OSBPL6: variants seen among roughly 807,000 people sequenced by gnomAD.
OSBPL6 encodes oxysterol binding protein like 6.
In OSBPL6, 49 loss-of-function variants were observed where a neutral mutation model predicts 125.8. That is an observed-to-expected ratio of 0.39 (90% CI 0.31 to 0.49). The LOEUF (loss-of-function observed/expected upper bound fraction) is 0.49. Ranked by LOEUF, OSBPL6 falls within the 20% of genes least tolerant of loss-of-function variation. The pLI is 0.88. For missense variants in OSBPL6, 986 were observed against 1,135.4 expected (o/e 0.87, Z 1.89); for synonymous variants, 394 against 391.8 (o/e 1.01, Z -0.07).
chr2:178,298,694 G>GTTTTTTTTTTTTTTTTTT (rs757606940), intron 2 of OSBPL6, among the ~76,000 whole-genome samples: 1 of 139,426 alleles, frequency 7.2e-6, no homozygotes, highest in African/African-American at 2.6e-5. Context: ...ATTTTTAGTT[G>GTTTTTTTTTTTTTTTTTT]CTTTTTTTTT....
chr2:178,399,185 T>C lies in OSBPL6; in HGVS notation c.*3626T>C, dbSNP rs1280092153. On this transcript the variant is annotated 3_prime_UTR_variant, in exon 25 of 25. Coordinates refer to ENST00000190611, the MANE Select transcript of OSBPL6 (RefSeq NM_032523.4). ...ATCTAATTAAACAATTTTGAATCTA[T>C]TTTGTGCTCTAGAAATGTTCTTTTG... 1 of 152,204 alleles carries C rather than the reference T, an allele frequency of 6.6e-6. No individual in the cohort carries two copies. Among genetic ancestry groups the C allele is most frequent in the East Asian group, 1.9e-4 (1 of 5,204 alleles). The allele number at this position is 152,204 out of a possible 1,614,324, so 9.4% of individuals were successfully genotyped here. A position where few individuals can be genotyped will look rare whatever the true frequency, so the allele number is the denominator to read the frequency against.
intron 1 of OSBPL6, among the ~76,000 whole-genome samples, chr2:178,239,792 A>AT (rs1443901155): frequency 1.3e-5 from 2 of 150,316 alleles, no homozygotes; most frequent in South Asian, 2.1e-4. Context: ...TGCCCGGCTA[A>AT]TTTTTTTTGT....
intron 1 of OSBPL6, among the ~76,000 whole-genome samples, chr2:178,259,972 C>G (rs917082523): frequency 2.0e-5 from 3 of 152,036 alleles, no homozygotes; most frequent in African/African-American, 7.2e-5. Flanking sequence ...ACCATAGCAG[C>G]GATGGATGAT....
At chr2:178,201,126 C>T (rs972217391) in intron 1 of OSBPL6, among the ~76,000 whole-genome samples, 42 of 152,140 alleles carry the variant, frequency 2.8e-4, no homozygotes, top group Non-Finnish European at 8.8e-5. Flanking sequence ...GTAGACTCTA[C>T]AAATGTATAT....
At chr2:178,336,773 G>T (rs998195068) in intron 9 of OSBPL6, among the ~76,000 whole-genome samples, 4 of 152,088 alleles carry the variant, frequency 2.6e-5, no homozygotes, top group African/African-American at 9.7e-5. Flanking sequence ...GTCACACAGA[G>T]GAGTAACCCC....
intron 1 of OSBPL6, among the ~76,000 whole-genome samples, chr2:178,216,773 A>G (rs761062216): frequency 6.6e-6 from 1 of 152,204 alleles, no homozygotes; most frequent in African/African-American, 2.4e-5. Context: ...CCTGCCAGGA[A>G]TGCATGGCCT....
intron 11 of OSBPL6, among the ~76,000 whole-genome samples, chr2:178,346,777 A>G (rs1690757225): frequency 6.6e-6 from 1 of 152,238 alleles, no homozygotes; most frequent in African/African-American, 2.4e-5. Context: ...CAGATATTCA[A>G]TTAGGGTTAG....
chr2:178,385,884 G>A (rs938065498), intron 19 of OSBPL6, among the ~76,000 whole-genome samples: 3 of 152,154 alleles, frequency 2.0e-5, no homozygotes, highest in African/African-American at 7.2e-5. Context: ...TTTTAATTCT[G>A]AAGGAAGGCT....
At chr2:178,337,115 C>A (rs149513043) in intron 9 of OSBPL6, among the ~76,000 whole-genome samples, 1 of 152,090 alleles carries the variant, frequency 6.6e-6, no homozygotes, top group Non-Finnish European at 1.5e-5. Context: ...ATCTACAGAC[C>A]ATTTCCATTC....
chr2:178,341,442 A>G (rs1348733990), intron 11 of OSBPL6, among the ~76,000 whole-genome samples: 1 of 149,724 alleles, frequency 6.7e-6, no homozygotes, highest in Non-Finnish European at 1.5e-5. Flanking sequence ...GATTTTTTTG[A>G]GTCATCAGGA....
At chr2:178,254,296 G>A (rs547374415) in intron 1 of OSBPL6, among the ~76,000 whole-genome samples, 26 of 151,974 alleles carry the variant, frequency 1.7e-4, no homozygotes, top group Non-Finnish European at 3.1e-4. Flanking sequence ...AGGAGGCTGA[G>A]GCAGGAGAAT....
intron 19 of OSBPL6, among the ~76,000 whole-genome samples, chr2:178,386,232 T>C (rs572582089): frequency 1.3e-5 from 2 of 152,186 alleles, no homozygotes; most frequent in Non-Finnish European, 2.9e-5. Flanking sequence ...AGATGACAGA[T>C]CATTTCTTGG....
At chr2:178,311,909 C>T (rs894917821) in intron 3 of OSBPL6, among the ~76,000 whole-genome samples, 1 of 152,208 alleles carries the variant, frequency 6.6e-6, no homozygotes, top group Non-Finnish European at 1.5e-5. Context: ...TTCTTCTGCA[C>T]AGGTGTTAAA....
intron 13 of OSBPL6, among the ~76,000 whole-genome samples, chr2:178,371,842 A>T (rs550158847): frequency 6.6e-6 from 1 of 152,214 alleles, no homozygotes; most frequent in East Asian, 1.9e-4. Context: ...GTATAATGGG[A>T]CTCACTCTAA....
intron 1 of OSBPL6, 149 bp from the exon 2 acceptor site, chr2:178,284,778 G>A (rs142924773): frequency 3.0e-4 from 107 of 353,458 alleles, no homozygotes; most frequent in African/African-American, 2.0e-3. Context: ...GAACAAAGGA[G>A]ATAAAAAGCT....
At position 178,387,064 on chromosome 2, in the gene OSBPL6, T is replaced by C. The variant is rs762334327; in HGVS notation, c.2081T>C (p.Ile694Thr). 19 of 1,596,816 alleles carry C rather than the reference T, an allele frequency of 1.2e-5. No individual in the cohort carries two copies. The highest frequency in any genetic ancestry group is 1.6e-5 in the Non-Finnish European group (19 of 1,164,576). Reference protein sequence around the residue: ...ESKNFVFWQDIRWKNKFWGKS... With the variant: ...ESKNFVFWQDTRWKNKFWGKS... The stretch of plus-strand genomic sequence containing the variant: ...GTCCTCTCCCTATGTCATTTAGATA[T>C]CAGATGGAAAAACAAGTTCTGGGGG... Residue 694 changes from isoleucine (I) to threonine (T), a missense_variant, in exon 20 of 25, where the codon ATC (isoleucine) becomes ACC (threonine). Physicochemically the swap from Ile to Thr is moderately conservative, Grantham distance 89. Around this residue, in one of 3 missense-constraint regions of OSBPL6, gnomAD observed 843 missense variants for 997.3 expected, o/e 0.85. Transcript: ENST00000190611.
In OSBPL6 at chr2:178,322,228, C is replaced by T. The variant is rs116235732; in HGVS notation, c.103-1949C>T. ...AAGTTTCTTTCCAGGTTTTGTTTTT[C>T]TTACCACGTTTTTTTGGAGGTGGGG... On this transcript the variant is annotated intron_variant, in intron 3 of 24. Coordinates refer to ENST00000190611, the MANE Select transcript of OSBPL6 (RefSeq NM_032523.4). Among the ~76,000 whole-genome samples, 668 of 152,202 alleles carry T rather than the reference C, an allele frequency of 4.4e-3. 4 individuals carry two copies. Among genetic ancestry groups the T allele is most frequent in the African/African-American group, 0.015 (615 of 41,548 alleles).
intron 1 of OSBPL6, among the ~76,000 whole-genome samples, chr2:178,253,567 T>C (rs2091773324): frequency 6.6e-6 from 1 of 152,196 alleles, no homozygotes; most frequent in Admixed American, 6.5e-5. Flanking sequence ...GTTGGGGAAA[T>C]GGTTCTTATC....
chr2:178,365,604 A>T (rs1031932571), intron 13 of OSBPL6, among the ~76,000 whole-genome samples: 3 of 152,164 alleles, frequency 2.0e-5, no homozygotes, highest in African/African-American at 7.2e-5. Flanking sequence ...TGAACCTGGG[A>T]GGCAGAGGTT....
Sources: allele counts gnomAD v4.1 joint callset (sites outside exome capture counted in the v4.1 genomes callset), GRCh38; gene constraint gnomAD v4.1.1; regional missense constraint gnomAD v4.1.1; transcripts MANE v1.5; gene names NCBI Gene and HGNC (gene_info 2026-07-23, HGNC 2026-07-21).